Variants in PRRC2A observed in about 807,000 individuals in gnomAD.
PRRC2A encodes the protein proline rich coiled-coil 2A.
A neutral mutation model predicts 224.6 loss-of-function variants in PRRC2A; 59 were observed. The observed-to-expected ratio is 0.26, with a 90% CI of 0.21 to 0.33. The LOEUF (loss-of-function observed/expected upper bound fraction) is 0.33, where lower values mean the gene tolerates loss of function less well. PRRC2A is among the 10% of genes least tolerant of loss of function. PRRC2A has a pLI of 1.00. For synonymous variants in PRRC2A, 1,194 were observed against 1,109.5 expected (o/e 1.08, Z -1.51); for missense variants, 3,095 against 2,880.7 (o/e 1.07, Z -1.70).
rs1249905087 is a variant in PRRC2A, at chr6:31,637,127, C to G, written c.6233C>G (p.Pro2078Arg). 1.2e-6 allele frequency: 2 copies of G among 1,610,896 alleles called. No homozygotes were observed. The highest frequency in any genetic ancestry group is 1.7e-6 in the Non-Finnish European group (2 of 1,178,732). Residue 2078 changes from proline to arginine, a missense_variant, in exon 29 of 31, where the codon CCA becomes CGA. This residue lies in a region of PRRC2A where 662 missense variants were observed against 609.5 expected (regional missense o/e 1.09). Coordinates refer to ENST00000376033, the MANE Select transcript of PRRC2A (RefSeq NM_004638.4). The part of the protein sequence containing the change: ...LGGPGSSRTP[P>R]TGRSFSGLNS... Reference sequence around the variant, plus strand: ...GGACCTGGATCATCACGGACTCCCCCAACTGGAAGGTGAAACGGAATAGGG... The same window carrying G: ...GGACCTGGATCATCACGGACTCCCCGAACTGGAAGGTGAAACGGAATAGGG...
At position 31,631,262 on chromosome 6, in the gene PRRC2A, A is replaced by G. The variant is rs116057849; in HGVS notation, c.2589A>G (p.Pro863=). The G allele has an allele frequency of 1.7e-4, 266 of 1,611,854 alleles. 4 individuals carry two copies. The East Asian group carries it at 5.8e-3, about 35-fold the overall frequency. The change falls in exon 16 of 31, where the codon CCA becomes CCG. Residue 863 remains proline, a synonymous_variant. Coordinates refer to ENST00000376033, the MANE Select transcript of PRRC2A (RefSeq NM_004638.4). The surrounding 1 kb of genome is among the most constrained non-coding windows in gnomAD (Gnocchi z 4.5). Reference sequence around the variant, plus strand: ...CTCTGGAGGAACCAGGGCCCCGTCCACTCCCCTGGCCCCCAGGCAGTGATG... The same window carrying G: ...CTCTGGAGGAACCAGGGCCCCGTCCGCTCCCCTGGCCCCCAGGCAGTGATG... ...RFPLEEPGPR[P]LPWPPGSDEV...
Position 31,630,735 on chromosome 6 carries a change from C to G in PRRC2A, c.2399C>G (p.Pro800Arg). Residue 800 changes from proline (P) to arginine (R), a missense_variant, in exon 15 of 31, where the codon CCC (proline) becomes CGC (arginine). Pro to Arg is a moderately radical substitution (Grantham distance 103, BLOSUM62 -2). Coordinates refer to ENST00000376033, the MANE Select transcript of PRRC2A (RefSeq NM_004638.4). ...AWVGDVFTAT[P>R]AEPRPLTSPL... is the part of the protein sequence containing the mutation. ...GTAGGAGATGTCTTCACCGCCACAC[C>G]CGCTGAACCCCGCCCACTTACCTCA... 6.2e-7 allele frequency: 1 copy of G among 1,614,146 alleles called. No homozygotes were observed.
Position 31,632,669 on chromosome 6 carries a change from T to C in PRRC2A, c.3996T>C (p.Ser1332=). The C allele has an allele frequency of 6.2e-7, 1 of 1,613,038 alleles. No individual in the cohort carries two copies. The highest frequency in any genetic ancestry group is 8.5e-7 in the Non-Finnish European group (1 of 1,180,012). ...ETASESSDFT[S]ERRGDKEAPP... Reference sequence around the variant, plus strand: ...CATCAGAGAGCAGTGACTTCACCAGTGAGCGCCGAGGGGACAAAGAGGCAC... The same window carrying C: ...CATCAGAGAGCAGTGACTTCACCAGCGAGCGCCGAGGGGACAAAGAGGCAC... Residue 1332 remains serine (S), a synonymous_variant, in exon 16 of 31, where the codon AGT becomes AGC. Coordinates refer to ENST00000376033, the MANE Select transcript of PRRC2A (RefSeq NM_004638.4).
At chr6:31,633,803 A>G (rs766261660) in intron 17 of PRRC2A, 56 bp from the exon 18 acceptor site, 3 of 1,543,700 alleles carry the variant, frequency 1.9e-6, no homozygotes, top group South Asian at 1.3e-5. Context: ...GTAGAGAGGA[A>G]AAGTTAGGGT....
intron 17 of PRRC2A, 88 bp from the exon 18 acceptor site, chr6:31,633,771 G>T (rs763299197): frequency 2.0e-6 from 3 of 1,531,002 alleles, no homozygotes; most frequent in African/African-American, 1.4e-5. Context: ...AGGGAGCAAG[G>T]GTAGAAGAAT....
chr6:31,625,283 G>A lies in PRRC2A; in HGVS notation c.576G>A (p.Ser192=), dbSNP rs772087301. 2.5e-6 allele frequency: 4 copies of A among 1,613,364 alleles called. No homozygotes were observed. The highest frequency in any genetic ancestry group is 2.2e-5 in the East Asian group (1 of 44,908). Residue 192 remains serine, a synonymous_variant, in exon 6 of 31, where the codon TCG becomes TCA. Transcript: ENST00000376033. The surrounding 1 kb of genome is among the most constrained non-coding windows in gnomAD (Gnocchi z 4.1). ...AGGAAAGGGAGTCTGCCGAACAGTC[G>A]TCTGGGCCCGGACCAAGCCTCCGCC... The part of the protein sequence containing the change: ...AAKERESAEQ[S]SGPGPSLRPQ...
Position 31,634,989 on chromosome 6 carries a change from A to G in PRRC2A, c.5160+12A>G. On this transcript the variant is annotated intron_variant, in intron 21 of 30. Transcript: ENST00000376033. ...ATGGGGACAGAAAGGTAAAAGACCA[A>G]AAAAGGATAAGGGGAATGTTTCCAG... 1 of 1,610,412 alleles carries G rather than the reference A, an allele frequency of 6.2e-7. No individual in the cohort carries two copies. The highest frequency in any genetic ancestry group is 1.3e-5 in the African/African-American group (1 of 74,926).
In PRRC2A at chr6:31,629,584, C is replaced by G. The variant is rs2150512059; in HGVS notation, c.1993C>G (p.Gln665Glu). The change falls in exon 14 of 31, where the codon CAG becomes GAG. Residue 665 changes from glutamine to glutamate, a missense_variant. By Grantham distance (29) the Gln-to-Glu change is conservative. Coordinates refer to ENST00000376033, the MANE Select transcript of PRRC2A (RefSeq NM_004638.4). ...LLKQQQQHQW[Q>E]QHQQGSAPPT... ...GAAGCAGCAGCAGCAGCACCAGTGG[C>G]AGCAGCATCAACAGGGCTCTGCCCC... 6.2e-7 allele frequency: 1 copy of G among 1,608,374 alleles called. No homozygotes were observed. The highest frequency in any genetic ancestry group is 2.2e-5 in the East Asian group (1 of 44,848).
intron 1 of PRRC2A, among the ~76,000 whole-genome samples, chr6:31,622,314 T>C (rs1775380736): frequency 6.6e-6 from 1 of 152,364 alleles, no homozygotes; most frequent in South Asian, 2.1e-4. Flanking sequence ...TTGTTTCTTC[T>C]TCTCTGATGG....
At position 31,631,329 on chromosome 6, in the gene PRRC2A, C is replaced by T; in HGVS notation, c.2656C>T (p.Pro886Ser). Residue 886 changes from proline (P) to serine (S), a missense_variant, in exon 16 of 31, where the codon CCT (proline) becomes TCT (serine). Coordinates refer to ENST00000376033, the MANE Select transcript of PRRC2A (RefSeq NM_004638.4). The surrounding 1 kb of genome is among the most constrained non-coding windows in gnomAD (Gnocchi z 4.5). ...IQTPPPKKEP[P>S]KEETAQLTGP... ...AACTCCACCACCCAAGAAGGAGCCC[C>T]CTAAGGAGGAGACTGCACAGCTGAC... The T allele has an allele frequency of 6.2e-7, 1 of 1,605,050 alleles. No homozygotes were observed. The highest frequency in any genetic ancestry group is 2.2e-5 in the East Asian group (1 of 44,730).
chr6:31,630,763 T>G lies in PRRC2A; in HGVS notation c.2427T>G (p.Pro809=). The G allele has an allele frequency of 6.2e-7, 1 of 1,614,134 alleles. No individual in the cohort carries two copies. The highest frequency in any genetic ancestry group is 8.5e-7 in the Non-Finnish European group (1 of 1,180,030). ...TPAEPRPLTS[P]LRQAADEDDK... ...CTGAACCCCGCCCACTTACCTCACC[T>G]CTGCGCCAGGCTGCGGATGAGGATG... Residue 809 remains proline, a synonymous_variant, in exon 15 of 31, where the codon CCT becomes CCG. Transcript: ENST00000376033.
rs115799162 is a variant in PRRC2A at position 31,621,977 on chromosome 6, T to C, written c.-100-713T>C. 6.2e-3 allele frequency among the ~76,000 whole-genome samples: 949 copies of C among 152,342 alleles called. 5 individuals carry two copies. The highest frequency in any genetic ancestry group is 8.9e-3 in the Non-Finnish European group (602 of 68,020). On this transcript the variant is annotated intron_variant, in intron 1 of 30. Coordinates refer to ENST00000376033, the MANE Select transcript of PRRC2A (RefSeq NM_004638.4). ...GTGGCTCCATAATGCTTTTTCTCAG[T>C]TCTTCATATGGTAAAACAGTATTTC...
intron 12 of PRRC2A, 136 bp from the exon 13 acceptor site, chr6:31,629,008 G>T: frequency 2.2e-6 from 2 of 889,460 alleles, no homozygotes; most frequent in South Asian, 1.6e-5. Context: ...TTAAATGGGA[G>T]GGGCTTCAAT....
Position 31,632,352 on chromosome 6 carries a change from A to G in PRRC2A, c.3679A>G (p.Asn1227Asp), listed in dbSNP as rs774579599. The G allele has an allele frequency of 1.2e-6, 2 of 1,613,184 alleles. No individual in the cohort carries two copies. Among genetic ancestry groups the G allele is most frequent in the South Asian group, 2.2e-5 (2 of 91,086 alleles). The change falls in exon 16 of 31, where the codon AAT becomes GAT. Residue 1227 changes from asparagine to aspartate, a missense_variant. Physicochemically the swap from Asn to Asp is conservative, Grantham distance 23 (BLOSUM62 1). Around this residue, in one of 8 missense-constraint regions of PRRC2A, gnomAD observed 2,001 missense variants for 1,764.9 expected, o/e 1.13. Transcript: ENST00000376033. ...GTCCCCTGTGGCGCGCGGAGGCAGC[A>G]ATGGAGGTAGCAATGTGGGCATGGA... is the stretch of plus-strand genomic sequence containing the variant. ...PLSPVARGGS[N>D]GGSNVGMEDG... is the part of the protein sequence containing the mutation.
chr6:31,625,139 C>T lies in PRRC2A; in HGVS notation c.464-32C>T. On this transcript the variant is annotated intron_variant, in intron 5 of 30. Transcript: ENST00000376033. This position sits in a 1 kb window ranked among gnomAD's most constrained non-coding sequence, Gnocchi z 4.1. ...ATAGCATGTCCTCAGGAAATGTCTT[C>T]TGTCTCCTGTTCTGCATCCCCATCC... 6.3e-7 allele frequency: 1 copy of T among 1,596,656 alleles called. No individual in the cohort carries two copies. The highest frequency in any genetic ancestry group is 8.6e-7 in the Non-Finnish European group (1 of 1,168,182).
intron 17 of PRRC2A, 42 bp from the exon 18 acceptor site, chr6:31,633,817 T>G: frequency 6.5e-7 from 1 of 1,534,938 alleles, no homozygotes; most frequent in Non-Finnish European, 8.7e-7. Flanking sequence ...TTAGGGTCAG[T>G]GGCAGAGCCA....
rs768058797 is a variant in PRRC2A, at chr6:31,636,323, G to A, written c.5739G>A (p.Gly1913=). The change falls in exon 26 of 31, where the codon GGG becomes GGA. Residue 1913 remains glycine (G), a synonymous_variant. Coordinates refer to ENST00000376033, the MANE Select transcript of PRRC2A (RefSeq NM_004638.4). The surrounding 1 kb of genome is among the most constrained non-coding windows in gnomAD (Gnocchi z 4.3). ...DFSTMQATEL[G]KLPAGGVLYP... ...CCACAATGCAAGCTACAGAGCTGGG[G>A]AAGTTGCCGGCTGGAGGAGTTCTCT... 1 of 1,613,050 alleles carries A rather than the reference G, an allele frequency of 6.2e-7. No individual in the cohort carries two copies. The highest frequency in any genetic ancestry group is 8.5e-7 in the Non-Finnish European group (1 of 1,180,022).
intron 2 of PRRC2A, chr6:31,623,232 T>G: frequency 1.7e-6 from 1 of 588,562 alleles, no homozygotes. Flanking sequence ...GTTACATATC[T>G]CAGCCTTCTT....
chr6:31,630,891 G>A, intron 15 of PRRC2A, 90 bp downstream of exon 15: 1 of 1,478,736 alleles, frequency 6.8e-7, no homozygotes, highest in Admixed American at 2.0e-5. Context: ...TAGGGATAGG[G>A]ATGAACGGGA....
Sources: gnomAD v4.1 joint callset for allele counts (sites outside exome capture counted in the v4.1 genomes callset) on GRCh38, gnomAD v4.1.1 for gene constraint, gnomAD v4.1.1 regional missense constraint, Gnocchi (gnomAD v3.1) non-coding constraint, MANE v1.5 for transcripts, NCBI Gene and HGNC (gene_info 2026-07-23, HGNC 2026-07-21) for gene names.